The following ROR2 variants were observed in gnomAD, a reference collection of about 807,000 sequenced individuals.
ROR2 encodes the protein ROR family WNT receptor 2.
Under a neutral mutation model 74.9 loss-of-function variants are expected in ROR2, and 33 were observed. The ratio of observed to expected loss-of-function variants is 0.44; its 90% confidence interval spans 0.33 to 0.59. ROR2 has a LOEUF of 0.59. Ranked by LOEUF, ROR2 falls within the 20% of genes least tolerant of loss-of-function variation. The probability of loss-of-function intolerance (pLI) is 0.02; values close to 1 mark genes in which losing one functional copy is unlikely to be tolerated. For missense variants in ROR2, 1,216 were observed against 1,313.8 expected, an observed-to-expected ratio of 0.93 and a Z score of 1.15; for synonymous variants, 586 against 558.7, an observed-to-expected ratio of 1.05 and a Z score of -0.69.
At chr9:91,726,419 G>A (rs573527067) in intron 8 of ROR2, 122 bp downstream of exon 8, 81 of 971,662 alleles carry the variant, frequency 8.3e-5, no homozygotes, top group African/African-American at 4.7e-4. Flanking sequence ...AAAATGAAGC[G>A]GAGTTTAAAA....
intron 1 of ROR2, among the ~76,000 whole-genome samples, chr9:91,851,123 C>T (rs1043696411): frequency 6.6e-6 from 1 of 152,118 alleles, no homozygotes; most frequent in Admixed American, 6.5e-5. Flanking sequence ...GAGGCCGAGG[C>T]AGATGGATCA....
chr9:91,777,892 G>A (rs983285968), intron 1 of ROR2, among the ~76,000 whole-genome samples: 2 of 152,198 alleles, frequency 1.3e-5, no homozygotes, highest in African/African-American at 4.8e-5. Flanking sequence ...AAAGCATGCT[G>A]TACCACGGGA....
intron 2 of ROR2, among the ~76,000 whole-genome samples, chr9:91,762,572 T>C (rs969082143): frequency 1.3e-5 from 2 of 152,332 alleles, no homozygotes; most frequent in Non-Finnish European, 2.9e-5. Flanking sequence ...ACATTAATTT[T>C]CCCATATTTC....
At chr9:91,928,310 C>A (rs1035748305) in intron 1 of ROR2, among the ~76,000 whole-genome samples, 13 of 152,218 alleles carry the variant, frequency 8.5e-5, no homozygotes, top group Non-Finnish European at 1.8e-4. Context: ...GCCTCCCAAC[C>A]CAACCTGCTG....
intron 2 of ROR2, among the ~76,000 whole-genome samples, chr9:91,766,833 G>A (rs1017256188): frequency 2.0e-5 from 3 of 152,170 alleles, no homozygotes; most frequent in Non-Finnish European, 4.4e-5. Context: ...ACTCCATAGC[G>A]TTACACAGAA....
At chr9:91,864,906 G>A (rs1829583004) in intron 1 of ROR2, among the ~76,000 whole-genome samples, 1 of 152,144 alleles carries the variant, frequency 6.6e-6, no homozygotes, top group Non-Finnish European at 1.5e-5. Flanking sequence ...AGGGAAAGGG[G>A]GATGATCAGA....
intron 7 of ROR2, 25 bp from the exon 8 acceptor site, chr9:91,726,768 T>C: frequency 6.2e-7 from 1 of 1,612,058 alleles, no homozygotes; most frequent in Non-Finnish European, 8.5e-7. Flanking sequence ...GCTTTCGTGA[T>C]TTTTCAGAAA....
intron 1 of ROR2, among the ~76,000 whole-genome samples, chr9:91,847,679 G>C (rs76582853): frequency 1.3e-4 from 20 of 152,122 alleles, no homozygotes; most frequent in Non-Finnish European, 2.5e-4. Context: ...GCTGAGGGTC[G>C]AGAGCAGGCC....
At chr9:91,876,360 C>T (rs561504860) in intron 1 of ROR2, among the ~76,000 whole-genome samples, 1 of 135,492 alleles carries the variant, frequency 7.4e-6, no homozygotes, top group South Asian at 2.3e-4. Flanking sequence ...CAGAGCCAGA[C>T]TCTGTCTCCA....
chr9:91,770,320 T>G (rs888214716), intron 2 of ROR2, among the ~76,000 whole-genome samples: 4 of 152,206 alleles, frequency 2.6e-5, no homozygotes, highest in African/African-American at 2.4e-5. Flanking sequence ...TACAATCACC[T>G]GGCAGGAGGA....
At chr9:91,726,475 G>A in intron 8 of ROR2, 66 bp downstream of exon 8, 1 of 1,406,642 alleles carries the variant, frequency 7.1e-7, no homozygotes, top group Non-Finnish European at 1.0e-6. Context: ...TTAATGTTGG[G>A]GGAAACAACC....
intron 8 of ROR2, 106 bp from the exon 9 acceptor site, chr9:91,725,213 G>T: frequency 6.3e-7 from 1 of 1,589,850 alleles, no homozygotes; most frequent in African/African-American, 1.3e-5. Context: ...CACGACTAGG[G>T]GGGCCTTGCA....
intron 1 of ROR2, among the ~76,000 whole-genome samples, chr9:91,925,862 G>C (rs574130182): frequency 2.3e-4 from 35 of 152,344 alleles, no homozygotes; most frequent in African/African-American, 8.4e-4. Flanking sequence ...TGACCTCAGA[G>C]ATGGGGTTTC....
chr9:91,808,806 T>TA (rs1394026969), intron 1 of ROR2, among the ~76,000 whole-genome samples: 9 of 141,472 alleles, frequency 6.4e-5, no homozygotes, highest in African/African-American at 2.0e-4. Context: ...AATATACATA[T>TA]TTTTTTTTAC....
chr9:91,894,162 G>T (rs1587828258), intron 1 of ROR2, among the ~76,000 whole-genome samples: 1 of 152,190 alleles, frequency 6.6e-6, no homozygotes, highest in East Asian at 1.9e-4. Context: ...AGGTTCACTG[G>T]CCCCTGCTCT....
chr9:91,731,108 T>G lies in ROR2; in HGVS notation c.985A>C (p.Ser329Arg), dbSNP rs756237400. 3 of 1,614,104 alleles carry G rather than the reference T, an allele frequency of 1.9e-6. No individual in the cohort carries two copies. The highest frequency in any genetic ancestry group is 2.5e-6 in the Non-Finnish European group (3 of 1,180,016). Residue 329 changes from serine (S) to arginine (R), a missense_variant, in exon 7 of 9, where the codon AGC becomes CGC. Transcript: ENST00000375708. ...CACTGGTGGCCTGACTTGGTGGTGC[T>G]TGCCGTTCCTCTGTAATCCATGCCT... is the stretch of plus-strand genomic sequence containing the variant. ...GSGMDYRGTA[S>R]TTKSGHQCQP...
rs181236894 is a variant in ROR2, at chr9:91,835,491, A to C, written c.98-59673T>G. ...GTCAGAGCCACTGGGGGCTGCCCTG[A>C]CATGCTCAGAGTTAAATGTAGATTG... is the stretch of plus-strand genomic sequence containing the variant. On this transcript the variant is annotated intron_variant, in intron 1 of 8. Coordinates refer to ENST00000375708, the MANE Select transcript of ROR2 (RefSeq NM_004560.4). Among the ~76,000 whole-genome samples the C allele has an allele frequency of 2.7e-4, 41 of 152,004 alleles. No homozygotes were observed. In the East Asian group the frequency reaches 7.8e-3, roughly 29 times the overall value.
intron 1 of ROR2, among the ~76,000 whole-genome samples, chr9:91,780,481 T>C (rs1309851108): frequency 1.3e-5 from 2 of 152,182 alleles, no homozygotes; most frequent in African/African-American, 4.8e-5. Flanking sequence ...TCTTGATTTA[T>C]GGCATCAACA....
chr9:91,874,057 A>T (rs560698054), intron 1 of ROR2, among the ~76,000 whole-genome samples: 1 of 152,340 alleles, frequency 6.6e-6, no homozygotes, highest in South Asian at 2.1e-4. Context: ...CTCTGCCCAT[A>T]GAAAATCAAG....
Sources: gnomAD v4.1 joint callset for allele counts (sites outside exome capture counted in the v4.1 genomes callset) on GRCh38, gnomAD v4.1.1 for gene constraint, MANE v1.5 for transcripts, NCBI Gene and HGNC (gene_info 2026-07-23, HGNC 2026-07-21) for gene names.